ERBIN: variants seen among roughly 807,000 people sequenced by gnomAD.
The protein encoded by ERBIN is densin-180-like protein.
A neutral mutation model predicts 158.4 loss-of-function variants in ERBIN; 60 were observed. The ratio of observed to expected loss-of-function variants is 0.38; its 90% CI spans 0.31 to 0.47. ERBIN has a LOEUF of 0.47. Among genes scored for constraint, ERBIN ranks in the 20% least tolerant of loss-of-function variants. The pLI is 0.99. For missense variants in ERBIN, 1,610 were observed against 1,648.0 expected, an observed-to-expected ratio of 0.98 and a Z score of 0.40; for synonymous variants, 594 against 557.2, an observed-to-expected ratio of 1.07 and a Z score of -0.93.
At chr5:65,991,409 C>G (rs900384861) in intron 2 of ERBIN, among the ~76,000 whole-genome samples, 78 of 152,148 alleles carry the variant, frequency 5.1e-4, no homozygotes, top group Non-Finnish European at 1.8e-4. Flanking sequence ...ATCTAATACT[C>G]TAATAGAATC....
At chr5:65,946,381 T>C (rs1745748249) in intron 1 of ERBIN, among the ~76,000 whole-genome samples, 1 of 152,100 alleles carries the variant, frequency 6.6e-6, no homozygotes, top group Non-Finnish European at 1.5e-5. Flanking sequence ...AATGAATGAA[T>C]GAATGAATGA....
Position 66,012,106 on chromosome 5 carries a change from C to G in ERBIN, c.365C>G (p.Ala122Gly), listed in dbSNP as rs183411134. The stretch of plus-strand genomic sequence containing the variant: ...TGTAAAGTTTTGACAATTGTGGAGG[C>G]CAGTGTAAACCCTATTTCCAAGTAA... ...KNCKVLTIVE[A>G]SVNPISKLPD... Residue 122 changes from alanine to glycine, a missense_variant, in exon 5 of 26, where the codon GCC becomes GGC. By Grantham distance (60) the Ala-to-Gly change is moderately conservative. Coordinates refer to ENST00000284037, the MANE Select transcript of ERBIN (RefSeq NM_001253697.2). The G allele has an allele frequency of 6.2e-7, 1 of 1,601,484 alleles. No individual in the cohort carries two copies. Among genetic ancestry groups the G allele is most frequent in the East Asian group, 2.2e-5 (1 of 44,666 alleles).
intron 25 of ERBIN, among the ~76,000 whole-genome samples, chr5:66,077,503 C>T (rs1325482748): frequency 6.6e-6 from 1 of 151,746 alleles, no homozygotes; most frequent in East Asian, 1.9e-4. Context: ...GAGAGAGAGA[C>T]ATTAATGTCT....
chr5:65,942,689 C>T (rs961303946), intron 1 of ERBIN, among the ~76,000 whole-genome samples: 5 of 152,172 alleles, frequency 3.3e-5, no homozygotes, highest in Admixed American at 2.6e-4. Context: ...CTTTGGGAGG[C>T]TGAGGCAGGC....
intron 21 of ERBIN, among the ~76,000 whole-genome samples, chr5:66,064,756 A>C (rs1561448785): frequency 6.6e-6 from 1 of 152,214 alleles, no homozygotes; most frequent in Non-Finnish European, 1.5e-5. Flanking sequence ...GATGAGTCTG[A>C]AAAACACTTG....
chr5:66,061,043 T>G (rs985635681), intron 21 of ERBIN, among the ~76,000 whole-genome samples: 4 of 152,222 alleles, frequency 2.6e-5, no homozygotes, highest in Non-Finnish European at 4.4e-5. Context: ...TGGAGAGTTC[T>G]GTAGATGTCT....
At chr5:66,016,995 T>C (rs1461495635) in intron 7 of ERBIN, among the ~76,000 whole-genome samples, 1 of 152,090 alleles carries the variant, frequency 6.6e-6, no homozygotes, top group Non-Finnish European at 1.5e-5. Context: ...TCACTTAATG[T>C]AATGACCTCC....
intron 1 of ERBIN, among the ~76,000 whole-genome samples, chr5:65,952,106 T>C (rs937171017): frequency 2.0e-5 from 3 of 152,216 alleles, no homozygotes; most frequent in Admixed American, 1.3e-4. Context: ...GCCCTAAGTA[T>C]AATTGAACGG....
At chr5:66,059,328 GCT>G (rs944465437) in intron 21 of ERBIN, among the ~76,000 whole-genome samples, 4 of 151,892 alleles carry the variant, frequency 2.6e-5, no homozygotes, top group African/African-American at 7.3e-5. Flanking sequence ...TCATGATTTG[GCT>G]CTCTGTTTGT....
At chr5:65,959,361 AAGT>A (rs2150952286) in intron 1 of ERBIN, among the ~76,000 whole-genome samples, 1 of 152,262 alleles carries the variant, frequency 6.6e-6, no homozygotes, top group Admixed American at 6.5e-5. Context: ...GATTTGGAAG[AAGT>A]ATTAATATTT....
intron 7 of ERBIN, among the ~76,000 whole-genome samples, chr5:66,016,509 G>C (rs1754737275): frequency 2.0e-5 from 3 of 151,898 alleles, no homozygotes; most frequent in Admixed American, 2.0e-4. Flanking sequence ...TATGTGTACA[G>C]TTCAGTGGTA....
intron 1 of ERBIN, among the ~76,000 whole-genome samples, chr5:65,937,789 G>A (rs555951138): frequency 1.3e-4 from 20 of 152,234 alleles, no homozygotes; most frequent in Non-Finnish European, 2.8e-4. Flanking sequence ...GGCGCCTGTA[G>A]TCCCAGCTAC....
In ERBIN at chr5:66,028,331, C is replaced by G. The variant is rs1756496795; in HGVS notation, c.1194C>G (p.Leu398=). 6.2e-7 allele frequency: 1 copy of G among 1,612,244 alleles called. No homozygotes were observed. Among genetic ancestry groups the G allele is most frequent in the Non-Finnish European group, 8.5e-7 (1 of 1,178,888 alleles). The change falls in exon 14 of 26, where the codon CTC becomes CTG. Residue 398 remains leucine (L), a synonymous_variant. Transcript: ENST00000284037. ...TKLQQLTAMW[L]SDNQSKPLIP... ...TACAGCAATTGACAGCTATGTGGCTCTCAGATAATCAGGTGGGCATTCTGA... is the reference window on the plus strand; with the variant it reads ...TACAGCAATTGACAGCTATGTGGCTGTCAGATAATCAGGTGGGCATTCTGA...
chr5:66,062,588 G>C (rs1426114687), intron 21 of ERBIN, among the ~76,000 whole-genome samples: 1 of 152,186 alleles, frequency 6.6e-6, no homozygotes, highest in South Asian at 2.1e-4. Context: ...CTGGTGAGGA[G>C]CTGCGTTCCT....
At chr5:65,981,147 C>T (rs543152359) in intron 1 of ERBIN, among the ~76,000 whole-genome samples, 22 of 152,034 alleles carry the variant, frequency 1.4e-4, no homozygotes, top group Admixed American at 2.6e-4. Flanking sequence ...TGGTAGATTA[C>T]CAAATATTTT....
chr5:66,006,972 G>A (rs1384017604), intron 4 of ERBIN, among the ~76,000 whole-genome samples: 1 of 125,136 alleles, frequency 8.0e-6, no homozygotes. Flanking sequence ...CATTGTGGAA[G>A]TCAGTGTGGC....
chr5:65,975,043 G>T (rs1389294654), intron 1 of ERBIN, among the ~76,000 whole-genome samples: 1 of 152,104 alleles, frequency 6.6e-6, no homozygotes, highest in Non-Finnish European at 1.5e-5. Context: ...GTGGAGTCTC[G>T]CTCTGTTGAC....
chr5:65,967,244 A>T (rs1381148567), intron 1 of ERBIN, among the ~76,000 whole-genome samples: 1 of 152,220 alleles, frequency 6.6e-6, no homozygotes, highest in African/African-American at 2.4e-5. Flanking sequence ...TAAAGAAAAA[A>T]AATTTTAAAT....
chr5:65,935,745 A>C (rs986583502), intron 1 of ERBIN, among the ~76,000 whole-genome samples: 6 of 151,972 alleles, frequency 3.9e-5, no homozygotes, highest in Non-Finnish European at 8.8e-5. Context: ...TCTTTTTTGG[A>C]GAAGGGTCTC....
Sources: gnomAD v4.1 joint callset for allele counts (sites outside exome capture counted in the v4.1 genomes callset) on GRCh38, gnomAD v4.1.1 for gene constraint, MANE v1.5 for transcripts, NCBI Gene and HGNC (gene_info 2026-07-23, HGNC 2026-07-21) for gene names.